Variants in PCBP3 observed in about 807,000 individuals in gnomAD.
The protein encoded by PCBP3 is poly(rC)-binding protein 3.
PCBP3 carries 25 observed loss-of-function variants against 52.7 expected under a neutral mutation model. That is an observed-to-expected ratio of 0.47 (90% confidence interval 0.35 to 0.66). The LOEUF is 0.66. Ranked by LOEUF, PCBP3 falls within the 30% of genes least tolerant of loss-of-function variation. The pLI is 0.01. For missense variants in PCBP3, 391 were observed against 490.3 expected, an observed-to-expected ratio of 0.80 and a Z score of 1.91; for synonymous variants, 162 against 183.0, an observed-to-expected ratio of 0.89 and a Z score of 0.93.
chr21:45,678,023 G>C (rs933300289), intron 2 of PCBP3, among the ~76,000 whole-genome samples: 2 of 152,142 alleles, frequency 1.3e-5, no homozygotes, highest in African/African-American at 4.8e-5. Flanking sequence ...GAGTAATTTT[G>C]ACTTTCAAGT....
At chr21:45,703,681 G>A (rs534060509) in intron 2 of PCBP3, among the ~76,000 whole-genome samples, 1 of 152,294 alleles carries the variant, frequency 6.6e-6, no homozygotes, top group South Asian at 2.1e-4. Flanking sequence ...CTGTTTCGGG[G>A]GGCATGAACA....
chr21:45,824,104 T>C (rs1469008155), intron 4 of PCBP3, among the ~76,000 whole-genome samples: 1 of 152,214 alleles, frequency 6.6e-6, no homozygotes, highest in African/African-American at 2.4e-5. Context: ...ATTTCCAGCA[T>C]CCTAAAGTGG....
chr21:45,844,921 A>C (rs2093776823), intron 4 of PCBP3, among the ~76,000 whole-genome samples: 1 of 150,832 alleles, frequency 6.6e-6, no homozygotes, highest in African/African-American at 2.4e-5. Context: ...TTATTTATAT[A>C]TATAGTTTAC....
rs929681885 is a variant in PCBP3, at chr21:45,784,612, C to T, written c.-126+29160C>T. On this transcript the variant is annotated intron_variant, in intron 4 of 17. Transcript: ENST00000681687. ...AGTGCCTGCAATTGCAGGCGCGCGC[C>T]GCCACGCCTGACTGGTTTTCGTATT... Among the ~76,000 whole-genome samples, 390 of 152,314 alleles carry T rather than the reference C, an allele frequency of 2.6e-3. 2 individuals are homozygous for T. Among genetic ancestry groups the T allele is most frequent in the African/African-American group, 8.8e-3 (364 of 41,566 alleles).
At chr21:45,937,734 G>A (rs529164424) in intron 16 of PCBP3, among the ~76,000 whole-genome samples, 1 of 152,352 alleles carries the variant, frequency 6.6e-6, no homozygotes, top group South Asian at 2.1e-4. Flanking sequence ...AGGTGCCCTT[G>A]GGCTGCAGGG....
intron 4 of PCBP3, among the ~76,000 whole-genome samples, 180 bp downstream of exon 4, chr21:45,755,632 G>A (rs1378272821): frequency 1.3e-5 from 2 of 152,088 alleles, no homozygotes; most frequent in Admixed American, 1.3e-4. Context: ...GGCATGTAAT[G>A]GTGTCACATT....
At chr21:45,687,625 C>A (rs1014806644) in intron 2 of PCBP3, among the ~76,000 whole-genome samples, 6 of 151,738 alleles carry the variant, frequency 4.0e-5, no homozygotes, top group Non-Finnish European at 2.9e-5. Context: ...CAAGACCCAA[C>A]AATATGAATA....
chr21:45,784,016 T>C (rs890676118), intron 4 of PCBP3, among the ~76,000 whole-genome samples: 1 of 152,206 alleles, frequency 6.6e-6, no homozygotes, highest in African/African-American at 2.4e-5. Flanking sequence ...ATTTTTGTGC[T>C]TTTCAGTTTG....
chr21:45,918,046 G>A (rs1379213757), intron 13 of PCBP3: 1 of 275,790 alleles, frequency 3.6e-6, no homozygotes, highest in Non-Finnish European at 7.1e-6. Context: ...AAGCACATTT[G>A]AGGGCCTGGT....
intron 4 of PCBP3, among the ~76,000 whole-genome samples, chr21:45,803,747 G>A (rs1374741346): frequency 4.6e-5 from 7 of 152,168 alleles, no homozygotes; most frequent in Non-Finnish European, 1.0e-4. Flanking sequence ...GGCTCCAAGA[G>A]GCCCCTGAGC....
chr21:45,674,754 G>A (rs553952621), intron 2 of PCBP3, among the ~76,000 whole-genome samples: 1 of 152,294 alleles, frequency 6.6e-6, no homozygotes, highest in Admixed American at 6.5e-5. Flanking sequence ...GAGAGAAGGT[G>A]TAGTAGCTTG....
intron 4 of PCBP3, among the ~76,000 whole-genome samples, chr21:45,816,083 A>ATGAGTGG (rs1456894601): frequency 1.8e-5 from 1 of 57,000 alleles, no homozygotes; most frequent in Non-Finnish European, 3.5e-5. Context: ...GTGGTGAGTG[A>ATGAGTGG]TGAGTGGTGA....
intron 4 of PCBP3, among the ~76,000 whole-genome samples, chr21:45,786,975 C>T (rs565027540): frequency 6.6e-6 from 1 of 152,332 alleles, no homozygotes; most frequent in South Asian, 2.1e-4. Context: ...AGGGCCCGTG[C>T]TGCAACTCTG....
chr21:45,927,639 TC>T (rs917128154), intron 13 of PCBP3, among the ~76,000 whole-genome samples: 2 of 151,806 alleles, frequency 1.3e-5, no homozygotes, highest in Middle Eastern at 3.2e-3. Context: ...CCCTAGGACG[TC>T]CCCTACATTT....
intron 1 of PCBP3, among the ~76,000 whole-genome samples, chr21:45,646,093 CTCTCTCTCTCTCTCTGTG>C (rs2079265335): frequency 1.2e-5 from 1 of 81,336 alleles, no homozygotes; most frequent in Non-Finnish European, 2.6e-5. Context: ...TTCTCTCTCT[CTCTCTCTCTCTCTCTGTG>C]TGTGTGTGTG....
At chr21:45,720,686 T>C (rs2084565517) in intron 2 of PCBP3, among the ~76,000 whole-genome samples, 1 of 152,238 alleles carries the variant, frequency 6.6e-6, no homozygotes, top group East Asian at 1.9e-4. Flanking sequence ...CCATCACCTC[T>C]GTACCTTTAC....
chr21:45,710,693 A>G (rs1344736738), intron 2 of PCBP3, among the ~76,000 whole-genome samples: 1 of 152,136 alleles, frequency 6.6e-6, no homozygotes, highest in East Asian at 1.9e-4. Flanking sequence ...GTTTGGAAGG[A>G]AGTCATCTTG....
chr21:45,672,614 T>C (rs2081242086), intron 2 of PCBP3, among the ~76,000 whole-genome samples: 2 of 152,128 alleles, frequency 1.3e-5, no homozygotes, highest in Admixed American at 1.3e-4. Context: ...TATTTTTGCT[T>C]TCTTATGCAT....
rs188889795 is a variant in PCBP3 at position 45,782,364 on chromosome 21, A to G, written c.-126+26912A>G. Among the ~76,000 whole-genome samples, 327 of 152,344 alleles carry G rather than the reference A, an allele frequency of 2.1e-3. 3 individuals carry two copies. The highest frequency in any genetic ancestry group is 7.6e-3 in the African/African-American group (317 of 41,578). On this transcript the variant is annotated intron_variant, in intron 4 of 17. Transcript: ENST00000681687. The stretch of plus-strand genomic sequence containing the variant: ...TGGAATCATCTATAATAAGAATCAA[A>G]TGGACATTTTAGAATTGAAACATAT...
Sources: gnomAD v4.1 joint callset for allele counts (sites outside exome capture counted in the v4.1 genomes callset) on GRCh38, gnomAD v4.1.1 for gene constraint, MANE v1.5 for transcripts, NCBI Gene and HGNC (gene_info 2026-07-23, HGNC 2026-07-21) for gene names.